DERL2: variants seen among roughly 807,000 people sequenced by gnomAD.
The protein encoded by DERL2 is derlin-2.
DERL2 carries 13 observed loss-of-function variants against 32.0 expected under a neutral mutation model. That is an observed-to-expected ratio of 0.41 (90% CI 0.26 to 0.65). The LOEUF is 0.65. Among genes scored for constraint, DERL2 ranks in the 30% least tolerant of loss-of-function variants. The pLI, the probability that DERL2 is intolerant of heterozygous loss-of-function variation, is 0.35. For missense variants in DERL2, 208 were observed against 296.3 expected (o/e 0.70, Z 2.19); for synonymous variants, 111 against 104.7 (o/e 1.06, Z -0.37).
At position 5,486,061 on chromosome 17, in the gene DERL2, C is replaced by G; in HGVS notation, c.93+8G>C. 6.2e-7 allele frequency: 1 copy of G among 1,607,634 alleles called. No homozygotes were observed. The highest frequency in any genetic ancestry group is 8.5e-7 in the Non-Finnish European group (1 of 1,176,356). On this transcript the variant is annotated splice_region_variant and intron_variant, in intron 1 of 6. Transcript: ENST00000158771. ...AGATAATGAGAAGGTGGCACTGCAG[C>G]TGCTCACCACGGCGGCGGTGGTGAG... is the stretch of plus-strand genomic sequence containing the variant.
chr17:5,480,262 A>G (rs1371933938), intron 5 of DERL2, 118 bp from the exon 6 acceptor site: 5 of 1,221,692 alleles, frequency 4.1e-6, no homozygotes, highest in Non-Finnish European at 4.6e-6. Context: ...TTAAAAATTA[A>G]TGAACTAATA....
At position 5,481,569 on chromosome 17, in the gene DERL2, A is replaced by T. The variant is rs143962409; in HGVS notation, c.234-180T>A. 1.3e-5 allele frequency among the ~76,000 whole-genome samples: 2 copies of T among 152,198 alleles called. No homozygotes were observed. The highest frequency in any genetic ancestry group is 4.8e-5 in the African/African-American group (2 of 41,442). ...TTACCAAGCATTTGAGAAAAGGTCA[A>T]GACCAGCATCATTTTTTACAAACTG... On this transcript the variant is annotated intron_variant, in intron 3 of 6. Coordinates refer to ENST00000158771, the MANE Select transcript of DERL2 (RefSeq NM_016041.5). This position sits in a 1 kb window ranked among gnomAD's most constrained non-coding sequence, Gnocchi z 4.4.
At position 5,472,510 on chromosome 17, in the gene DERL2, G is replaced by GGGCATCCTGCCACTGGGAACT. The variant is rs1199985654; in HGVS notation, c.*2153_*2173dup. 6.6e-6 allele frequency: 1 copy of GGGCATCCTGCCACTGGGAACT among 152,208 alleles called. No homozygotes were observed. The highest frequency in any genetic ancestry group is 1.5e-5 in the Non-Finnish European group (1 of 68,056). The allele number at this position is 152,208 out of a possible 1,614,324, so 9.4% of individuals were successfully genotyped here. On this transcript the variant is annotated 3_prime_UTR_variant, in exon 7 of 7. Transcript: ENST00000158771. ...ACACAGTGTAGTCAGTCACACAGCA[G>GGGCATCCTGCCACTGGGAACT]GGCATCCTGCCACTGGGAACTTGCA...
At position 5,473,799 on chromosome 17, in the gene DERL2, ATTT is replaced by A. The variant is rs1388188442; in HGVS notation, c.*882_*884del. The A allele has an allele frequency of 6.6e-6, 1 of 151,918 alleles. No individual in the cohort carries two copies. The highest frequency in any genetic ancestry group is 1.5e-5 in the Non-Finnish European group (1 of 67,980). The allele number at this position is 151,918 out of a possible 1,614,324, so 9.4% of individuals were successfully genotyped here. ...AGACCCCATCTGTATTTAAAAAAAA[ATTT>A]TTAATTAAAACTTTTTTAAAAATAA... is the stretch of plus-strand genomic sequence containing the variant. On this transcript the variant is annotated 3_prime_UTR_variant, in exon 7 of 7. Transcript: ENST00000158771.
chr17:5,473,223 T>C lies in DERL2; in HGVS notation c.*1461A>G, dbSNP rs1175359870. ...GAAAGGGACCTGTGCCTACATGCCG[T>C]TAATGAAAGCTGTTTGGAATCATCT... is the stretch of plus-strand genomic sequence containing the variant. On this transcript the variant is annotated 3_prime_UTR_variant, in exon 7 of 7. Transcript: ENST00000158771. The C allele has an allele frequency of 6.6e-6, 1 of 152,180 alleles. No individual in the cohort carries two copies. Among genetic ancestry groups the C allele is most frequent in the African/African-American group, 2.4e-5 (1 of 41,436 alleles). 9.4% of individuals were successfully genotyped at this position (152,180 alleles called of 1,614,324 possible).
Position 5,482,808 on chromosome 17 carries a change from C to A in DERL2, c.233+1G>T. ...TGCTGACCCCATTTAATAAAGGATA[C>A]AGAAAAATCATGTTAAATAAAAAAT... On this transcript the variant is annotated splice_donor_variant, in intron 3 of 6. Transcript: ENST00000158771. LOFTEE classifies it high-confidence loss of function. 1 of 1,473,666 alleles carries A rather than the reference C, an allele frequency of 6.8e-7. No individual in the cohort carries two copies. The highest frequency in any genetic ancestry group is 9.3e-7 in the Non-Finnish European group (1 of 1,074,800). 91.3% of individuals were successfully genotyped at this position (1,473,666 alleles called of 1,614,324 possible).
chr17:5,480,659 G>A (rs987526450), intron 4 of DERL2, 77 bp from the exon 5 acceptor site: 1 of 1,257,230 alleles, frequency 8.0e-7, no homozygotes, highest in African/African-American at 1.6e-5. Flanking sequence ...TAAAGATTGT[G>A]TTCTAACAGA....
chr17:5,485,995 C>A, intron 1 of DERL2, 74 bp downstream of exon 1: 2 of 1,435,326 alleles, frequency 1.4e-6, no homozygotes, highest in Non-Finnish European at 1.9e-6. Flanking sequence ...CTCCCCGAGG[C>A]CCAAACCCCA....
intron 5 of DERL2, 55 bp downstream of exon 5, chr17:5,480,332 T>A: frequency 6.5e-7 from 1 of 1,532,082 alleles, no homozygotes; most frequent in Non-Finnish European, 8.9e-7. Flanking sequence ...TGAAAAATAG[T>A]AACAAAATAC....
At position 5,481,026 on chromosome 17, in the gene DERL2, G is replaced by A. The variant is rs192008525; in HGVS notation, c.327+270C>T. ...TGGTTTTGGTAGCCACCAAGTAAAT[G>A]TCTTACCAACTTAGTTTAAAAGTGA... is the stretch of plus-strand genomic sequence containing the variant. On this transcript the variant is annotated intron_variant, in intron 4 of 6. Coordinates refer to ENST00000158771, the MANE Select transcript of DERL2 (RefSeq NM_016041.5). This position sits in a 1 kb window ranked among gnomAD's most constrained non-coding sequence, Gnocchi z 4.4. 13 of 555,696 alleles carry A rather than the reference G, an allele frequency of 2.3e-5. No homozygotes were observed. Among genetic ancestry groups the A allele is most frequent in the African/African-American group, 1.7e-4 (9 of 51,812 alleles). 34.4% of individuals were successfully genotyped at this position (555,696 alleles called of 1,614,324 possible).
intron 6 of DERL2, among the ~76,000 whole-genome samples, chr17:5,476,642 G>A (rs746592725): frequency 3.9e-5 from 6 of 152,218 alleles, no homozygotes; most frequent in Admixed American, 6.5e-5. Context: ...TTAGCCGGGT[G>A]TGGTGGCGCA....
At chr17:5,486,263 G>A (rs1223818599), upstream of DERL2, 4 of 946,308 alleles carry the variant, frequency 4.2e-6, no homozygotes, top group Non-Finnish European at 4.5e-6. Flanking sequence ...GCCCACTTTA[G>A]TTTTCCCGCG....
intron 6 of DERL2, among the ~76,000 whole-genome samples, chr17:5,478,280 TG>T (rs1231120333): frequency 6.6e-6 from 1 of 151,992 alleles, no homozygotes; most frequent in Non-Finnish European, 1.5e-5. Context: ...GAGGCTGAGG[TG>T]GGAGGATCAC....
chr17:5,482,923 T>G, intron 2 of DERL2, 41 bp from the exon 3 acceptor site: 3 of 1,118,064 alleles, frequency 2.7e-6, no homozygotes, highest in Non-Finnish European at 3.9e-6. Context: ...TTAAGTAAAA[T>G]AAATTACCAG....
chr17:5,480,712 A>G (rs767937542), intron 4 of DERL2, 130 bp from the exon 5 acceptor site: 7 of 764,354 alleles, frequency 9.2e-6, no homozygotes, highest in African/African-American at 3.7e-5. Context: ...TTTAGAATAG[A>G]AGGAGAAACA....
chr17:5,480,851 C>A (rs1905729088), intron 4 of DERL2: 4 of 454,440 alleles, frequency 8.8e-6, no homozygotes, highest in Non-Finnish European at 1.5e-5. Context: ...TGTGTTAATT[C>A]TTCAGTCAAT....
At chr17:5,476,730 G>A (rs551179051) in intron 6 of DERL2, among the ~76,000 whole-genome samples, 4 of 152,266 alleles carry the variant, frequency 2.6e-5, no homozygotes, top group Admixed American at 1.3e-4. Context: ...GCAGTGAGCC[G>A]AGATTGAGCC....
Position 5,481,815 on chromosome 17 carries a change from A to AT in DERL2, c.234-427dup, listed in dbSNP as rs1161581509. On this transcript the variant is annotated intron_variant, in intron 3 of 6. Coordinates refer to ENST00000158771, the MANE Select transcript of DERL2 (RefSeq NM_016041.5). The surrounding 1 kb of genome is among the most constrained non-coding windows in gnomAD (Gnocchi z 4.4). Reference sequence around the variant, plus strand: ...CAGTTGTGTGCCACCATGCCAGGCTATTTTTTGTATTTTTAGTAGAGAGCA... The same window carrying AT: ...CAGTTGTGTGCCACCATGCCAGGCTATTTTTTTGTATTTTTAGTAGAGAGCA... 1.4e-5 allele frequency among the ~76,000 whole-genome samples: 2 copies of AT among 146,368 alleles called. No homozygotes were observed. The highest frequency in any genetic ancestry group is 3.1e-5 in the Non-Finnish European group (2 of 64,328).
At chr17:5,475,200 T>A (rs898942120) in intron 6 of DERL2, among the ~76,000 whole-genome samples, 5 of 152,124 alleles carry the variant, frequency 3.3e-5, no homozygotes, top group African/African-American at 1.2e-4. Flanking sequence ...AACCAAGGTA[T>A]CACCCAAGTG....
Sources: allele counts gnomAD v4.1 joint callset (sites outside exome capture counted in the v4.1 genomes callset), GRCh38; gene constraint gnomAD v4.1.1; non-coding constraint Gnocchi (gnomAD v3.1); transcripts MANE v1.5; gene names NCBI Gene and HGNC (gene_info 2026-07-23, HGNC 2026-07-21).